Variants in FBRSL1 observed in about 807,000 individuals in gnomAD.
The protein encoded by FBRSL1 is fibrosin-1-like protein.
In FBRSL1, 51 loss-of-function variants were observed where a neutral mutation model predicts 89.6. The ratio of observed to expected loss-of-function variants is 0.57; its 90% CI spans 0.45 to 0.72. The LOEUF (loss-of-function observed/expected upper bound fraction) is 0.72, where lower values mean the gene tolerates loss of function less well. Among genes scored for constraint, FBRSL1 ranks in the 30% least tolerant of loss-of-function variants. FBRSL1 has a pLI of 0.00. For synonymous variants in FBRSL1, 779 were observed against 681.1 expected, an observed-to-expected ratio of 1.14 and a Z score of -2.24; for missense variants, 1,618 against 1,451.8, an observed-to-expected ratio of 1.11 and a Z score of -1.86.
At chr12:132,502,050 A>G (rs2033051281) in intron 1 of FBRSL1, among the ~76,000 whole-genome samples, 2 of 152,198 alleles carry the variant, frequency 1.3e-5, no homozygotes, top group African/African-American at 4.8e-5. Flanking sequence ...TGGACGGGAC[A>G]TATGTTGGTT....
intron 2 of FBRSL1, among the ~76,000 whole-genome samples, chr12:132,519,081 T>A (rs1454456400): frequency 2.6e-5 from 4 of 152,398 alleles, no homozygotes; most frequent in South Asian, 4.1e-4. Context: ...AGTACCCTGC[T>A]CCCTGACACT....
At chr12:132,562,262 C>G (rs2039193312) in intron 5 of FBRSL1, among the ~76,000 whole-genome samples, 2 of 152,124 alleles carry the variant, frequency 1.3e-5, no homozygotes, top group African/African-American at 2.4e-5. Flanking sequence ...GGCCCCCTGG[C>G]TTCCCAGGGG....
chr12:132,514,672 C>A (rs1036229014), intron 2 of FBRSL1, among the ~76,000 whole-genome samples: 1 of 152,124 alleles, frequency 6.6e-6, no homozygotes, highest in South Asian at 2.1e-4. Flanking sequence ...CTCCTAGGGC[C>A]GGTACACGAC....
intron 1 of FBRSL1, among the ~76,000 whole-genome samples, chr12:132,496,147 C>T (rs1467261391): frequency 6.6e-6 from 1 of 152,262 alleles, no homozygotes; most frequent in African/African-American, 2.4e-5. Flanking sequence ...CTGCCCTTTG[C>T]CTGGAGGGGT....
intron 18 of FBRSL1, 142 bp from the exon 19 acceptor site, chr12:132,582,829 G>A: frequency 1.7e-6 from 1 of 602,018 alleles, no homozygotes; most frequent in African/African-American, 2.0e-5. Context: ...GGAGCCTGTG[G>A]GGGTGCGGGA....
chr12:132,499,322 G>T lies in FBRSL1; in HGVS notation c.291+8461G>T, dbSNP rs1213526563. Among the ~76,000 whole-genome samples, 1 of 138,138 alleles carries T rather than the reference G, an allele frequency of 7.2e-6. No homozygotes were observed. Among genetic ancestry groups the T allele is most frequent in the Non-Finnish European group, 1.6e-5 (1 of 60,654 alleles). 90.6% of individuals were successfully genotyped at this position (138,138 alleles called of 152,430 possible). A position where few individuals can be genotyped will look rare whatever the true frequency, so the allele number is the denominator to read the frequency against. On this transcript the variant is annotated intron_variant, in intron 1 of 18. Coordinates refer to ENST00000680143, the MANE Select transcript of FBRSL1 (RefSeq NM_001367871.1). The surrounding 1 kb of genome is among the most constrained non-coding windows in gnomAD (Gnocchi z 4.3). ...GGGCCAGCCAGGCAGGGGTGGTGCT[G>T]GGCAGCAGTGGTGCTGGACCTCTGG...
intron 15 of FBRSL1, among the ~76,000 whole-genome samples, chr12:132,578,621 CAT>C (rs2040541906): frequency 6.6e-6 from 1 of 152,220 alleles, no homozygotes; most frequent in African/African-American, 2.4e-5. Flanking sequence ...CAGGCACACA[CAT>C]GGGCACTGCG....
At chr12:132,547,774 T>C (rs545783671) in intron 4 of FBRSL1, among the ~76,000 whole-genome samples, 1 of 152,282 alleles carries the variant, frequency 6.6e-6, no homozygotes, top group East Asian at 1.9e-4. Context: ...TGTGCCCCTT[T>C]GTCCATCCCA....
intron 1 of FBRSL1, chr12:132,507,120 G>A (rs1273942071): frequency 1.2e-6 from 1 of 853,932 alleles, no homozygotes; most frequent in Non-Finnish European, 1.4e-6. Context: ...GCTCTATGCG[G>A]GGGCGGGTCC....
rs576541487 is a variant in FBRSL1 at position 132,510,706 on chromosome 12, C to T, written c.489+2356C>T. On this transcript the variant is annotated intron_variant, in intron 2 of 18. Transcript: ENST00000680143. ...GAGAGATGAACCCGCGTCTGCCTGC[C>T]GCCCCGCCATGCTCCCTCTCCCCCC... 3.6e-4 allele frequency: 437 copies of T among 1,219,398 alleles called. 6 individuals are homozygous for T. The South Asian group carries it at 0.013, about 37-fold the overall frequency. The allele number at this position is 1,219,398 out of a possible 1,614,324, so 75.5% of individuals were successfully genotyped here.
At chr12:132,581,063 A>G (rs748233743) in intron 15 of FBRSL1, 6 of 985,358 alleles carry the variant, frequency 6.1e-6, no homozygotes, top group African/African-American at 1.7e-5. Flanking sequence ...AGGACCATCT[A>G]TCAGCTCCCA....
chr12:132,542,844 C>T (rs1024318490), intron 4 of FBRSL1, among the ~76,000 whole-genome samples: 11 of 152,204 alleles, frequency 7.2e-5, no homozygotes, highest in Non-Finnish European at 1.0e-4. Context: ...CTGAGCACAC[C>T]GAAGCCATAA....
chr12:132,531,109 G>A (rs1312507214), intron 4 of FBRSL1, among the ~76,000 whole-genome samples: 1 of 152,098 alleles, frequency 6.6e-6, no homozygotes, highest in African/African-American at 2.4e-5. Context: ...CTGAGGACTG[G>A]AGGCAGGTGG....
intron 3 of FBRSL1, among the ~76,000 whole-genome samples, chr12:132,527,604 G>A (rs911195934): frequency 2.6e-5 from 4 of 151,174 alleles, no homozygotes; most frequent in Non-Finnish European, 5.9e-5. Context: ...GCGGGGCAGG[G>A]TTGAGGGCTG....
chr12:132,576,772 C>G, intron 14 of FBRSL1, 27 bp from the exon 15 acceptor site: 1 of 1,542,752 alleles, frequency 6.5e-7, no homozygotes, highest in Non-Finnish European at 8.8e-7. Context: ...CCCGGGCAGG[C>G]GGCCCTCACC....
At chr12:132,541,710 A>G (rs1228813872) in intron 4 of FBRSL1, among the ~76,000 whole-genome samples, 2 of 152,216 alleles carry the variant, frequency 1.3e-5, no homozygotes, top group Non-Finnish European at 2.9e-5. Context: ...TGCCGGTGCC[A>G]CGCCAGCCCC....
At chr12:132,572,215 A>C in intron 9 of FBRSL1, 73 bp from the exon 10 acceptor site, 2 of 1,403,168 alleles carry the variant, frequency 1.4e-6, no homozygotes, top group Non-Finnish European at 2.0e-6. Context: ...CAGCCCGGCC[A>C]GGTGGGCGGG....
At chr12:132,528,128 C>T (rs1290730554) in intron 4 of FBRSL1, 140 bp downstream of exon 4, 18 of 771,180 alleles carry the variant, frequency 2.3e-5, no homozygotes, top group Non-Finnish European at 4.0e-5. Flanking sequence ...CAGACTGGTT[C>T]TGGCCTCAAA....
chr12:132,544,949 C>A (rs968251713), intron 4 of FBRSL1, among the ~76,000 whole-genome samples: 2 of 152,202 alleles, frequency 1.3e-5, no homozygotes, highest in South Asian at 2.1e-4. Flanking sequence ...GTGCTTTGCA[C>A]ATATTCACTT....
Sources: gnomAD v4.1 joint callset for allele counts (sites outside exome capture counted in the v4.1 genomes callset) on GRCh38, gnomAD v4.1.1 for gene constraint, Gnocchi (gnomAD v3.1) non-coding constraint, MANE v1.5 for transcripts, NCBI Gene and HGNC (gene_info 2026-07-23, HGNC 2026-07-21) for gene names.